Variants in BEST3 observed in about 807,000 individuals in gnomAD.
The protein encoded by BEST3 is bestrophin 3, also known as bestrophin-3.
A neutral mutation model predicts 47.1 loss-of-function variants in BEST3; 50 were observed. The ratio of observed to expected loss-of-function variants is 1.06; its 90% CI spans 0.85 to 1.34. The LOEUF is 1.34. BEST3 is among the 40% of genes most tolerant of loss of function. BEST3 has a pLI of 0.00. For missense variants in BEST3, 765 were observed against 817.0 expected (o/e 0.94, Z 0.78); for synonymous variants, 282 against 298.8 (o/e 0.94, Z 0.58).
Position 69,655,169 on chromosome 12 carries a change from G to T in BEST3, c.1745C>A (p.Pro582His). 1 of 1,614,142 alleles carries T rather than the reference G, an allele frequency of 6.2e-7. No homozygotes were observed. The stretch of plus-strand genomic sequence containing the variant: ...CCACCTTTTTAGAAAGGTATCACCA[G>T]GGTCTTCTTCACAGTTGAATATATT... ...EENIFNCEED[P>H]GDTFLKRWSL... Residue 582 changes from proline to histidine, a missense_variant, in exon 10 of 10, where the codon CCT becomes CAT. Physicochemically the swap from Pro to His is moderately conservative, Grantham distance 77. Transcript: ENST00000330891.
chr12:69,692,779 T>G (rs1444591182), intron 4 of BEST3, among the ~76,000 whole-genome samples: 1 of 152,210 alleles, frequency 6.6e-6, no homozygotes, highest in Non-Finnish European at 1.5e-5. Context: ...ATTTATTTTT[T>G]GGGGACTGAT....
At chr12:69,679,914 C>CGTGTGTGT (rs35274840) in intron 4 of BEST3, among the ~76,000 whole-genome samples, 42 of 150,252 alleles carry the variant, frequency 2.8e-4, no homozygotes, top group African/African-American at 7.8e-4. Flanking sequence ...TGTATGCATG[C>CGTGTGTGT]GTGTGTGTGT....
rs1883423783 is a variant in BEST3, at chr12:69,655,576, G to C, written c.1338C>G (p.Ala446=). The C allele has an allele frequency of 1.9e-6, 3 of 1,613,922 alleles. No individual in the cohort carries two copies. Among genetic ancestry groups the C allele is most frequent in the African/African-American group, 2.7e-5 (2 of 74,884 alleles). The change falls in exon 10 of 10, where the codon GCC becomes GCG. Residue 446 remains alanine, a synonymous_variant. Coordinates refer to ENST00000330891, the MANE Select transcript of BEST3 (RefSeq NM_032735.3). The stretch of plus-strand genomic sequence containing the variant: ...AGCAGGATTTCTTCCAGGTGGGTGA[G>C]GCCCTGGGGGGGTTTCTTGAGGGCA... ...LDVPSRNPPR[A]SPTWKKSCFP... is the part of the protein sequence containing the mutation.
At chr12:69,686,786 A>AAAAAAAAAAAAAAAAAAAAAG (rs371159662) in intron 4 of BEST3, among the ~76,000 whole-genome samples, 18 of 143,270 alleles carry the variant, frequency 1.3e-4, no homozygotes, top group Admixed American at 2.1e-4. Context: ...AAACAAAAAA[A>AAAAAAAAAAAAAAAAAAAAAG]AAAGAAAGAA....
At chr12:69,671,780 C>T (rs1055977378) in intron 8 of BEST3, among the ~76,000 whole-genome samples, 4 of 152,080 alleles carry the variant, frequency 2.6e-5, no homozygotes, top group Non-Finnish European at 5.9e-5. Context: ...GAGCACTTGG[C>T]GATGAGGATA....
In BEST3 at chr12:69,693,683, C is replaced by G. The variant is rs763658617; in HGVS notation, c.472G>C (p.Val158Leu). The change falls in exon 4 of 10, where the codon GTT (valine) becomes CTT (leucine). Residue 158 changes from valine to leucine, a missense_variant. Physicochemically the swap from Val to Leu is conservative, Grantham distance 32. Coordinates refer to ENST00000330891, the MANE Select transcript of BEST3 (RefSeq NM_032735.3). ...AAGCCATTCATAGTACCTGCTTCAA[C>G]CACGTGGTCCATTGTGGGAAATCTT... ...YKRFPTMDHV[V>L]EAGFMTTDER... The G allele has an allele frequency of 6.2e-7, 1 of 1,608,684 alleles. No homozygotes were observed. The highest frequency in any genetic ancestry group is 1.1e-5 in the South Asian group (1 of 90,954).
chr12:69,645,283 GT>G (rs1293895344), intron 9 of BEST3, among the ~76,000 whole-genome samples: 1 of 152,140 alleles, frequency 6.6e-6, no homozygotes, highest in Non-Finnish European at 1.5e-5. Flanking sequence ...CTGAGTTTTT[GT>G]TAAGGCTCCC....
At chr12:69,659,500 T>G (rs1883736911) in intron 9 of BEST3, among the ~76,000 whole-genome samples, 1 of 152,062 alleles carries the variant, frequency 6.6e-6, no homozygotes, top group Non-Finnish European at 1.5e-5. Context: ...ACCGTGGGCG[T>G]GCACCACCAT....
At chr12:69,657,581 T>C (rs1883585280) in intron 9 of BEST3, among the ~76,000 whole-genome samples, 1 of 152,174 alleles carries the variant, frequency 6.6e-6, no homozygotes, top group Admixed American at 6.5e-5. Flanking sequence ...GAACTACAAA[T>C]GCTCATCATG....
rs147889831 is a variant in BEST3 at position 69,675,156 on chromosome 12, G to C, written c.867+1760C>G. Among the ~76,000 whole-genome samples the C allele has an allele frequency of 9.2e-5, 14 of 152,178 alleles. No homozygotes were observed. The East Asian group carries it at 2.7e-3, about 29-fold the overall frequency. On this transcript the variant is annotated intron_variant, in intron 7 of 9. Coordinates refer to ENST00000330891, the MANE Select transcript of BEST3 (RefSeq NM_032735.3). The stretch of plus-strand genomic sequence containing the variant: ...TTTATTTTAGACAGGGTCTTGCTCT[G>C]TTACCCAGGCTGGAGTGCAGTGGTG...
Position 69,678,842 on chromosome 12 carries a change from TGAG to T in BEST3, c.530_532del (p.Pro177del). On this transcript the variant is annotated inframe_deletion, in exon 5 of 10. Transcript: ENST00000330891. ...GATGAATGGAACCCAATATTTCAGA[TGAG>T]GAGACTTGAGGTGGTTGAATAATTT... 2 of 1,613,892 alleles carry T rather than the reference TGAG, an allele frequency of 1.2e-6. No homozygotes were observed. Among genetic ancestry groups the T allele is most frequent in the Non-Finnish European group, 1.7e-6 (2 of 1,179,800 alleles).
Position 69,654,410 on chromosome 12 carries a change from G to C in BEST3, c.*497C>G. 5 of 985,958 alleles carry C rather than the reference G, an allele frequency of 5.1e-6. No homozygotes were observed. In the South Asian group the frequency reaches 2.3e-4, roughly 46 times the overall value. The allele number at this position is 985,958 out of a possible 1,614,324, so 61.1% of individuals were successfully genotyped here. On this transcript the variant is annotated 3_prime_UTR_variant, in exon 10 of 10. Transcript: ENST00000330891. ...TATAAAAGTAGGAATGAGATGGTTA[G>C]AAAGCCTCAAACAAAAACGTTAGGA...
chr12:69,668,763 C>T (rs1220219622), intron 9 of BEST3, among the ~76,000 whole-genome samples: 1 of 152,204 alleles, frequency 6.6e-6, no homozygotes, highest in African/African-American at 2.4e-5. Context: ...AAAATATTGT[C>T]TCCCTGTTGA....
intron 8 of BEST3, among the ~76,000 whole-genome samples, chr12:69,672,653 A>G (rs1884650922): frequency 6.6e-6 from 1 of 152,226 alleles, no homozygotes; most frequent in Non-Finnish European, 1.5e-5. Context: ...AGGGCTTACA[A>G]AGAAAATTGG....
At position 69,678,893 on chromosome 12, in the gene BEST3, C is replaced by T. The variant is rs746143688; in HGVS notation, c.482G>A (p.Gly161Asp). The change falls in exon 5 of 10, where the codon GGT becomes GAT. Residue 161 changes from glycine (G) to aspartate (D), a missense_variant and splice_region_variant. By Grantham distance (94) the Gly-to-Asp change is moderately conservative (BLOSUM62 -1). Coordinates refer to ENST00000330891, the MANE Select transcript of BEST3 (RefSeq NM_032735.3). Reference protein sequence around the residue: ...FPTMDHVVEAGFMTTDERKLF... With the variant: ...FPTMDHVVEADFMTTDERKLF... ...TTTCCTTTCATCTGTTGTCATAAAA[C>T]CTTTACAAAAAAATAAAAATCGGTA... 5 of 1,611,558 alleles carry T rather than the reference C, an allele frequency of 3.1e-6. No individual in the cohort carries two copies. Among genetic ancestry groups the T allele is most frequent in the Admixed American group, 1.7e-5 (1 of 59,728 alleles).
At chr12:69,667,358 G>A (rs183778716) in intron 9 of BEST3, among the ~76,000 whole-genome samples, 15 of 151,990 alleles carry the variant, frequency 9.9e-5, no homozygotes, top group Admixed American at 7.9e-4. Context: ...ATAACGGTGC[G>A]ATCTCGGTTC....
In BEST3 at chr12:69,654,934, G is replaced by C; in HGVS notation, c.1980C>G (p.Asn660Lys). 6.2e-7 allele frequency: 1 copy of C among 1,612,710 alleles called. No individual in the cohort carries two copies. Among genetic ancestry groups the C allele is most frequent in the Non-Finnish European group, 8.5e-7 (1 of 1,179,004 alleles). Residue 660 changes from asparagine (N) to lysine (K), a missense_variant, in exon 10 of 10, where the codon AAC becomes AAG. By Grantham distance (94) the Asn-to-Lys change is moderately conservative. Transcript: ENST00000330891. Reference protein sequence around the residue: ...DTKETDIIELNKETEESPK With the variant: ...DTKETDIIELKKETEESPK ...ATTTGGGTGATTCCTCAGTTTCCTT[G>C]TTCAGCTCTATGATATCTGTTTCCT...
At chr12:69,657,483 G>A (rs1056596597) in intron 9 of BEST3, among the ~76,000 whole-genome samples, 2 of 152,082 alleles carry the variant, frequency 1.3e-5, no homozygotes, top group African/African-American at 4.8e-5. Context: ...GGTCTACTCT[G>A]GCCTCGGATT....
At chr12:69,674,862 A>G (rs976181971) in intron 7 of BEST3, among the ~76,000 whole-genome samples, 4 of 151,382 alleles carry the variant, frequency 2.6e-5, no homozygotes, top group African/African-American at 9.7e-5. Flanking sequence ...CTGTTTAGAA[A>G]TGGAGGCACA....
Sources: allele counts gnomAD v4.1 joint callset (sites outside exome capture counted in the v4.1 genomes callset), GRCh38; gene constraint gnomAD v4.1.1; transcripts MANE v1.5; gene names NCBI Gene and HGNC (gene_info 2026-07-23, HGNC 2026-07-21).